Variants in SMURF2 observed in about 807,000 individuals in gnomAD.
SMURF2 encodes the protein SMAD specific E3 ubiquitin protein ligase 2.
A neutral mutation model predicts 109.6 loss-of-function variants in SMURF2; 48 were observed. That is an observed-to-expected ratio of 0.44 (90% CI 0.35 to 0.56). SMURF2 has a LOEUF of 0.56. Among genes scored for constraint, SMURF2 ranks in the 20% least tolerant of loss-of-function variants. The pLI is 0.01. For missense variants in SMURF2, 575 were observed against 909.0 expected (o/e 0.63, Z 4.72); for synonymous variants, 288 against 317.1 (o/e 0.91, Z 0.97).
rs1555683268 is a variant in SMURF2, at chr17:64,547,671, C to T, written c.2000G>A (p.Arg667Gln). ...WKAVEFFDEERRARLLQFVTG... is the reference protein window; with the variant it reads ...WKAVEFFDEEQRARLLQFVTG... ...CACAAACTGAAGCAATCTTGCTCGT[C>T]GCTCTTCATCAAAAAACTCCACAGC... The change falls in exon 17 of 19, where the codon CGA becomes CAA. Residue 667 changes from arginine to glutamine, a missense_variant. By Grantham distance (43) the Arg-to-Gln change is conservative (BLOSUM62 1). Around this residue, in one of 5 missense-constraint regions of SMURF2, gnomAD observed 361 missense variants for 612.1 expected, o/e 0.59. Transcript: ENST00000262435. The surrounding 1 kb of genome is among the most constrained non-coding windows in gnomAD (Gnocchi z 4.2). 6 of 1,613,920 alleles carry T rather than the reference C, an allele frequency of 3.7e-6. No homozygotes were observed. The highest frequency in any genetic ancestry group is 1.3e-5 in the African/African-American group (1 of 74,858).
chr17:64,651,981 C>T (rs1970645699), intron 1 of SMURF2, among the ~76,000 whole-genome samples: 1 of 152,172 alleles, frequency 6.6e-6, no homozygotes, highest in Non-Finnish European at 1.5e-5. Context: ...ACACCAATCA[C>T]CTCCTTTCTT....
intron 1 of SMURF2, among the ~76,000 whole-genome samples, chr17:64,645,006 CA>C (rs368164529): frequency 5.7e-4 from 75 of 131,896 alleles, no homozygotes; most frequent in Admixed American, 2.3e-3. Context: ...AAGACTGTCT[CA>C]AAAAAAAAAA....
intron 6 of SMURF2, among the ~76,000 whole-genome samples, chr17:64,584,637 G>A (rs530017669): frequency 2.6e-5 from 4 of 152,154 alleles, no homozygotes; most frequent in African/African-American, 9.6e-5. Flanking sequence ...GATTACAGGC[G>A]TAAGCCACCA....
chr17:64,611,953 ATC>A (rs1970050251), intron 1 of SMURF2, among the ~76,000 whole-genome samples: 1 of 152,010 alleles, frequency 6.6e-6, no homozygotes, highest in South Asian at 2.1e-4. Flanking sequence ...TCTCAAATGT[ATC>A]TCTCTCACCC....
At chr17:64,569,485 A>C (rs555896582) in intron 10 of SMURF2, among the ~76,000 whole-genome samples, 3 of 151,652 alleles carry the variant, frequency 2.0e-5, no homozygotes, top group Admixed American at 2.0e-4. Flanking sequence ...CAGCTGGTCA[A>C]TAGGCCAAAA....
At chr17:64,621,760 G>A (rs1245564670) in intron 1 of SMURF2, among the ~76,000 whole-genome samples, 3 of 151,536 alleles carry the variant, frequency 2.0e-5, no homozygotes, top group African/African-American at 4.9e-5. Flanking sequence ...TGTAATTCCA[G>A]CTACTCAGGA....
At chr17:64,568,873 G>A (rs1374640298) in intron 10 of SMURF2, among the ~76,000 whole-genome samples, 13 of 151,988 alleles carry the variant, frequency 8.6e-5, no homozygotes, top group East Asian at 3.9e-4. Flanking sequence ...GTGGTGGTGC[G>A]CGCCTGTAGT....
chr17:64,655,252 C>CAT (rs1555693811), intron 1 of SMURF2, among the ~76,000 whole-genome samples: 4 of 85,906 alleles, frequency 4.7e-5, no homozygotes, highest in African/African-American at 2.2e-4. Context: ...AATGAAATGT[C>CAT]TTTTTTTTTT....
At chr17:64,606,023 C>G (rs1360324330) in intron 2 of SMURF2, among the ~76,000 whole-genome samples, 2 of 150,314 alleles carry the variant, frequency 1.3e-5, no homozygotes, top group Non-Finnish European at 3.0e-5. Flanking sequence ...CTTCCCAATC[C>G]CCTCTCATAA....
chr17:64,559,502 A>G (rs1598270852), intron 12 of SMURF2, among the ~76,000 whole-genome samples: 1 of 151,998 alleles, frequency 6.6e-6, no homozygotes, highest in East Asian at 2.0e-4. Flanking sequence ...CTGAGGCTGG[A>G]GAATCGCTTG....
chr17:64,597,132 A>G (rs1370476987), intron 3 of SMURF2, among the ~76,000 whole-genome samples: 9 of 152,196 alleles, frequency 5.9e-5, no homozygotes, highest in African/African-American at 2.2e-4. Context: ...TGGGCTGGGC[A>G]TCACAGCCCA....
rs1968970212 is a variant in SMURF2, at chr17:64,547,234, G to C, written c.2071+366C>G. ...AATAAGAGAAAGAACGAAAAGTAGA[G>C]GGGAGAGGCATCCCAGGCAGGTAAA... On this transcript the variant is annotated intron_variant, in intron 17 of 18. Coordinates refer to ENST00000262435, the MANE Select transcript of SMURF2 (RefSeq NM_022739.4). The surrounding 1 kb of genome is among the most constrained non-coding windows in gnomAD (Gnocchi z 4.2). Among the ~76,000 whole-genome samples the C allele has an allele frequency of 6.6e-6, 1 of 152,188 alleles. No homozygotes were observed. The highest frequency in any genetic ancestry group is 1.5e-5 in the Non-Finnish European group (1 of 68,040).
At chr17:64,563,010 TA>T in intron 10 of SMURF2, 44 bp from the exon 11 acceptor site, 1 of 1,490,128 alleles carries the variant, frequency 6.7e-7, no homozygotes, top group South Asian at 1.3e-5. Context: ...TATCAAATTT[TA>T]AAAATTGCAA....
chr17:64,598,393 C>T lies in SMURF2; in HGVS notation c.189G>A (p.Gln63=), dbSNP rs200211647. The change falls in exon 3 of 19, where the codon CAG becomes CAA. Residue 63 remains glutamine, a synonymous_variant. Transcript: ENST00000262435. ...VKNTLDPKWN[Q]HYDLYIGKSD... Reference sequence around the variant, plus strand: ...TTGTTGAAACCTACAGGTCATAATGCTGATTCCACTTTGGATCAAGCGTAT... The same window carrying T: ...TTGTTGAAACCTACAGGTCATAATGTTGATTCCACTTTGGATCAAGCGTAT... The T allele has an allele frequency of 5.8e-5, 93 of 1,602,130 alleles. No individual in the cohort carries two copies. The highest frequency in any genetic ancestry group is 1.0e-5 in the Non-Finnish European group (12 of 1,175,166).
intron 1 of SMURF2, among the ~76,000 whole-genome samples, chr17:64,656,223 C>T (rs781276360): frequency 2.0e-5 from 3 of 152,250 alleles, no homozygotes; most frequent in Non-Finnish European, 1.5e-5. Context: ...TAAGATAACA[C>T]ATTTCTACAT....
At chr17:64,623,903 T>C (rs1328824003) in intron 1 of SMURF2, among the ~76,000 whole-genome samples, 1 of 152,240 alleles carries the variant, frequency 6.6e-6, no homozygotes, top group African/African-American at 2.4e-5. Context: ...AGGAAAAAGC[T>C]TAAGTTAAAC....
At position 64,554,862 on chromosome 17, in the gene SMURF2, T is replaced by C. The variant is rs782254986; in HGVS notation, c.1742A>G (p.Tyr581Cys). Reference protein sequence around the residue: ...IPVNEENKKEYVRLYVNWRFL... With the variant: ...IPVNEENKKECVRLYVNWRFL... ...AGAACACAGGAGTGTTTACCTGACA[T>C]ATTCTTTTTTATTTTCTTCATTAAC... is the stretch of plus-strand genomic sequence containing the variant. The change falls in exon 15 of 19, where the codon TAT becomes TGT. Residue 581 changes from tyrosine to cysteine, a missense_variant. Coordinates refer to ENST00000262435, the MANE Select transcript of SMURF2 (RefSeq NM_022739.4). The C allele has an allele frequency of 6.2e-7, 1 of 1,613,448 alleles. No individual in the cohort carries two copies. The highest frequency in any genetic ancestry group is 8.5e-7 in the Non-Finnish European group (1 of 1,179,694).
intron 1 of SMURF2, among the ~76,000 whole-genome samples, chr17:64,608,492 A>G (rs1416378523): frequency 6.6e-6 from 1 of 152,124 alleles, no homozygotes; most frequent in African/African-American, 2.4e-5. Flanking sequence ...GATTTAGAGA[A>G]CTCCTCCCCA....
intron 16 of SMURF2, among the ~76,000 whole-genome samples, chr17:64,551,310 T>C (rs1317335689): frequency 6.6e-6 from 1 of 151,702 alleles, no homozygotes; most frequent in Non-Finnish European, 1.5e-5. Context: ...TGAGCCATGA[T>C]TGCACCACTG....
Sources: gnomAD v4.1 joint callset for allele counts (sites outside exome capture counted in the v4.1 genomes callset) on GRCh38, gnomAD v4.1.1 for gene constraint, gnomAD v4.1.1 regional missense constraint, Gnocchi (gnomAD v3.1) non-coding constraint, MANE v1.5 for transcripts, NCBI Gene and HGNC (gene_info 2026-07-23, HGNC 2026-07-21) for gene names.